The following PRKN variants were observed in gnomAD, a reference collection of about 807,000 sequenced individuals.
PRKN encodes E3 ubiquitin-protein ligase parkin.
In PRKN, 56 loss-of-function variants were observed where a neutral mutation model predicts 59.5. The ratio of observed to expected loss-of-function variants is 0.94; its 90% CI spans 0.76 to 1.18. The LOEUF is 1.18. Among genes scored for constraint, PRKN ranks in the 50% most tolerant of loss-of-function variants. The pLI is 0.00. For synonymous variants in PRKN, 250 were observed against 222.1 expected, an observed-to-expected ratio of 1.13 and a Z score of -1.12; for missense variants, 657 against 596.4, an observed-to-expected ratio of 1.10 and a Z score of -1.06.
At chr6:162,308,522 T>C (rs147108176) in intron 2 of PRKN, among the ~76,000 whole-genome samples, 13 of 152,312 alleles carry the variant, frequency 8.5e-5, no homozygotes, top group South Asian at 6.2e-4. Context: ...AAAGAAGAGA[T>C]TGATGCAGGC....
intron 2 of PRKN, among the ~76,000 whole-genome samples, chr6:162,377,038 C>T (rs1322590628): frequency 6.6e-6 from 1 of 152,056 alleles, no homozygotes; most frequent in African/African-American, 2.4e-5. Context: ...ACCGCTGCAG[C>T]TACAGATGGG....
At chr6:162,007,797 T>A (rs987844482) in intron 5 of PRKN, among the ~76,000 whole-genome samples, 3 of 152,178 alleles carry the variant, frequency 2.0e-5, no homozygotes, top group Non-Finnish European at 2.9e-5. Flanking sequence ...TCCTGAGTTC[T>A]CTATAATAAC....
intron 9 of PRKN, among the ~76,000 whole-genome samples, chr6:161,426,876 G>A (rs750838660): frequency 1.2e-4 from 18 of 151,376 alleles, no homozygotes; most frequent in African/African-American, 2.7e-4. Flanking sequence ...CTGCCACCAC[G>A]CCTGGCTAAT....
At chr6:162,023,940 T>C (rs1421139581) in intron 5 of PRKN, among the ~76,000 whole-genome samples, 1 of 152,190 alleles carries the variant, frequency 6.6e-6, no homozygotes, top group Admixed American at 6.5e-5. Flanking sequence ...TGCCTCTGGC[T>C]TTGTTCTTTT....
rs1781234544 is a variant in PRKN at position 162,287,239 on chromosome 6, T to C, written c.172-24474A>G. Among the ~76,000 whole-genome samples the C allele has an allele frequency of 2.6e-5, 4 of 152,142 alleles. No homozygotes were observed. In the South Asian group the frequency reaches 8.3e-4, roughly 32 times the overall value. On this transcript the variant is annotated intron_variant, in intron 2 of 11. Coordinates refer to ENST00000366898, the MANE Select transcript of PRKN (RefSeq NM_004562.3). Reference sequence around the variant, plus strand: ...GAACATATCACAATTCTGATTTGTCTGTGAGGAAAAGACATGATGTCTCCC... The same window carrying C: ...GAACATATCACAATTCTGATTTGTCCGTGAGGAAAAGACATGATGTCTCCC...
intron 1 of PRKN, among the ~76,000 whole-genome samples, chr6:162,538,645 C>T (rs60162353): frequency 0.087 from 13,261 of 152,120 alleles, 728 homozygotes; most frequent in South Asian, 0.18. Flanking sequence ...TCTGAGGCAA[C>T]GACCGCGTGT....
At chr6:162,496,413 A>T (rs1793066605) in intron 1 of PRKN, among the ~76,000 whole-genome samples, 2 of 152,296 alleles carry the variant, frequency 1.3e-5, no homozygotes, top group Admixed American at 1.3e-4. Context: ...AAGCAGCTGG[A>T]TATACAGCTA....
intron 1 of PRKN, among the ~76,000 whole-genome samples, chr6:162,474,948 CAAAAT>C (rs1438109896): frequency 6.6e-6 from 1 of 152,042 alleles, no homozygotes; most frequent in Non-Finnish European, 1.5e-5. Flanking sequence ...CTACAAATGT[CAAAAT>C]AAAATTCAAA....
intron 5 of PRKN, among the ~76,000 whole-genome samples, chr6:161,992,899 T>C (rs1231403941): frequency 1.3e-5 from 2 of 152,064 alleles, no homozygotes; most frequent in African/African-American, 4.8e-5. Flanking sequence ...AAAAAATTTC[T>C]TGAGAGAATT....
intron 3 of PRKN, among the ~76,000 whole-genome samples, chr6:162,226,437 C>A (rs544687129): frequency 6.6e-6 from 1 of 152,168 alleles, no homozygotes; most frequent in Non-Finnish European, 1.5e-5. Context: ...CCAGTCCTCA[C>A]GAGCAGAGCC....
intron 3 of PRKN, among the ~76,000 whole-genome samples, chr6:162,236,023 A>AACTC (rs965334616): frequency 6.6e-6 from 1 of 150,620 alleles, no homozygotes; most frequent in African/African-American, 2.5e-5. Context: ...GAAAGAAAGA[A>AACTC]ACTCCTCACC....
chr6:162,720,254 G>A (rs1167125044), intron 1 of PRKN, among the ~76,000 whole-genome samples: 3 of 152,114 alleles, frequency 2.0e-5, no homozygotes, highest in Non-Finnish European at 4.4e-5. Context: ...ATGAGGGTAG[G>A]AGTAGAGATG....
rs969374202 is a variant in PRKN, at chr6:161,550,918, A to G, written c.934-1915T>C. ...CCTGGGTACAAATTTTGAAGTCATT[A>G]GCCTGAGCCTCTAATCCATTTTCTC... is the stretch of plus-strand genomic sequence containing the variant. On this transcript the variant is annotated intron_variant, in intron 8 of 11. Coordinates refer to ENST00000366898, the MANE Select transcript of PRKN (RefSeq NM_004562.3). This position sits in a 1 kb window ranked among gnomAD's most constrained non-coding sequence, Gnocchi z 4.0. Among the ~76,000 whole-genome samples, 16 of 152,170 alleles carry G rather than the reference A, an allele frequency of 1.1e-4. No individual in the cohort carries two copies. The highest frequency in any genetic ancestry group is 4.6e-4 in the Admixed American group (7 of 15,276).
Position 162,505,214 on chromosome 6 carries a change from A to ATC in PRKN, c.8-61742_8-61741insGA. On this transcript the variant is annotated intron_variant, in intron 1 of 11. Coordinates refer to ENST00000366898, the MANE Select transcript of PRKN (RefSeq NM_004562.3). ...CCTATGTTCTAGGGGCACTATTTTCATATGTTCAAGTAAACACGTACAAGG... is the reference window on the plus strand; with the variant it reads ...CCTATGTTCTAGGGGCACTATTTTCATCTATGTTCAAGTAAACACGTACAAGG... 1.3e-5 allele frequency among the ~76,000 whole-genome samples: 2 copies of ATC among 152,316 alleles called. 1 individual carries two copies. The highest frequency in any genetic ancestry group is 4.1e-4 in the South Asian group (2 of 4,830).
chr6:162,671,860 G>A (rs1779333519), intron 1 of PRKN, among the ~76,000 whole-genome samples: 1 of 152,028 alleles, frequency 6.6e-6, no homozygotes, highest in South Asian at 2.1e-4. Flanking sequence ...TGGAAATCAG[G>A]CAGGTGCTGA....
chr6:162,423,330 T>C (rs925243052), intron 2 of PRKN, among the ~76,000 whole-genome samples: 1 of 152,192 alleles, frequency 6.6e-6, no homozygotes, highest in Non-Finnish European at 1.5e-5. Flanking sequence ...AGATCTAAGA[T>C]GGAAATTATA....
At chr6:162,216,536 CAAAAAAAAAA>C (rs35025497) in intron 3 of PRKN, among the ~76,000 whole-genome samples, 43 of 34,972 alleles carry the variant, frequency 1.2e-3, no homozygotes, top group African/African-American at 2.9e-3. Flanking sequence ...GACTCCGTCT[CAAAAAAAAAA>C]AAAAAAAAAA....
chr6:162,164,489 G>C (rs1224804830), intron 4 of PRKN, among the ~76,000 whole-genome samples: 1 of 148,726 alleles, frequency 6.7e-6, no homozygotes, highest in Non-Finnish European at 1.5e-5. Flanking sequence ...TAAGATTACA[G>C]GTGTGAGCCA....
Position 161,821,656 on chromosome 6 carries a change from C to T in PRKN, c.735-35748G>A, listed in dbSNP as rs36105984. ...AATAGTACAGGAGAGAACTTACATC[C>T]CTACAGCCTTGACTGAGTATTTTCT... On this transcript the variant is annotated intron_variant, in intron 6 of 11. Transcript: ENST00000366898. Among the ~76,000 whole-genome samples, 1,027 of 150,342 alleles carry T rather than the reference C, an allele frequency of 6.8e-3. 15 individuals are homozygous for T. The highest frequency in any genetic ancestry group is 0.011 in the Non-Finnish European group (775 of 67,738).
Sources: gnomAD v4.1 joint callset for allele counts (sites outside exome capture counted in the v4.1 genomes callset) on GRCh38, gnomAD v4.1.1 for gene constraint, Gnocchi (gnomAD v3.1) non-coding constraint, MANE v1.5 for transcripts, NCBI Gene and HGNC (gene_info 2026-07-23, HGNC 2026-07-21) for gene names.